ARL14EPL: variants seen among roughly 807,000 people sequenced by gnomAD.
The protein encoded by ARL14EPL is ARF like GTPase 14 effector protein like, also known as ARL14 effector protein-like.
A neutral mutation model predicts 15.9 loss-of-function variants in ARL14EPL; 17 were observed. The ratio of observed to expected loss-of-function variants is 1.07; its 90% CI spans 0.73 to 1.60. The LOEUF (loss-of-function observed/expected upper bound fraction) is 1.60, where lower values mean the gene tolerates loss of function less well. ARL14EPL is among the 40% of genes most tolerant of loss of function. ARL14EPL has a pLI of 0.00. For synonymous variants in ARL14EPL, 78 were observed against 63.8 expected, an observed-to-expected ratio of 1.22 and a Z score of -1.06; for missense variants, 214 against 185.9, an observed-to-expected ratio of 1.15 and a Z score of -0.88.
At position 116,051,560 on chromosome 5, in the gene ARL14EPL, T is replaced by G. The variant is rs1442205505; in HGVS notation, c.95T>G (p.Leu32Arg). Residue 32 changes from leucine (L) to arginine (R), a missense_variant and splice_region_variant, in exon 2 of 4, where the codon CTG becomes CGG. Coordinates refer to ENST00000686077, the MANE Select transcript of ARL14EPL (RefSeq NM_001195581.2). ...AACTGTCAAATTGGACAGAAACAACTGGTATGGCACACAGATTCTATGATT... is the reference window on the plus strand; with the variant it reads ...AACTGTCAAATTGGACAGAAACAACGGGTATGGCACACAGATTCTATGATT... ...EKNCQIGQKQLQQIERQLKCL... is the reference protein window; with the variant it reads ...EKNCQIGQKQRQQIERQLKCL... 6 of 1,526,356 alleles carry G rather than the reference T, an allele frequency of 3.9e-6. No individual in the cohort carries two copies. Among genetic ancestry groups the G allele is most frequent in the Non-Finnish European group, 4.4e-6 (5 of 1,138,042 alleles). 94.6% of individuals were successfully genotyped at this position (1,526,356 alleles called of 1,614,324 possible). A position where few individuals can be genotyped will look rare whatever the true frequency, so the allele number is the denominator to read the frequency against.
chr5:116,040,121 T>C (rs1749121467), intron 1 of ARL14EPL, among the ~76,000 whole-genome samples: 1 of 152,188 alleles, frequency 6.6e-6, no homozygotes, highest in South Asian at 2.1e-4. Context: ...CTCTTGTAGC[T>C]AAATTTTTGC....
Position 116,058,824 on chromosome 5 carries a change from C to G in ARL14EPL, c.336C>G (p.Cys112Trp), listed in dbSNP as rs1479148006. 5 of 1,536,070 alleles carry G rather than the reference C, an allele frequency of 3.3e-6. No homozygotes were observed. The highest frequency in any genetic ancestry group is 4.4e-6 in the Non-Finnish European group (5 of 1,146,906). Residue 112 changes from cysteine (C) to tryptophan (W), a missense_variant, in exon 4 of 4, where the codon TGC becomes TGG. Coordinates refer to ENST00000686077, the MANE Select transcript of ARL14EPL (RefSeq NM_001195581.2). ...ACTGCCTGGGCTGCTTCTACCCATG[C>G]CCGAAGTGTAACTCCAACAAGTGTG... The part of the protein sequence containing the change: ...EKNCLGCFYP[C>W]PKCNSNKCGP...
intron 1 of ARL14EPL, among the ~76,000 whole-genome samples, chr5:116,034,443 G>A (rs940652515): frequency 5.9e-5 from 9 of 152,102 alleles, no homozygotes; most frequent in South Asian, 2.1e-4. Context: ...GTGAGAGGGC[G>A]GCAGGATGAA....
At chr5:116,040,451 G>A (rs1749128526) in intron 1 of ARL14EPL, among the ~76,000 whole-genome samples, 1 of 151,636 alleles carries the variant, frequency 6.6e-6, no homozygotes, top group Admixed American at 6.6e-5. Flanking sequence ...AGAGTGACGG[G>A]AAGGCATTTC....
intron 2 of ARL14EPL, chr5:116,052,422 A>G: frequency 1.6e-6 from 1 of 631,300 alleles, no homozygotes. Flanking sequence ...GTATGTATTA[A>G]CTCATCTAAT....
At chr5:116,046,160 C>G (rs537157325) in intron 1 of ARL14EPL, among the ~76,000 whole-genome samples, 2 of 152,236 alleles carry the variant, frequency 1.3e-5, no homozygotes, top group East Asian at 1.9e-4. Context: ...GCTTGACTCT[C>G]TTGTCTTGTA....
chr5:116,045,534 T>A (rs1404185179), intron 1 of ARL14EPL, among the ~76,000 whole-genome samples: 1 of 152,124 alleles, frequency 6.6e-6, no homozygotes, highest in Non-Finnish European at 1.5e-5. Context: ...AGAGAGGCCC[T>A]TTTAGATGCT....
At chr5:116,038,434 A>G (rs772542234) in intron 1 of ARL14EPL, among the ~76,000 whole-genome samples, 7 of 152,174 alleles carry the variant, frequency 4.6e-5, no homozygotes, top group Non-Finnish European at 7.3e-5. Flanking sequence ...GGAAGTGGGA[A>G]CATTCTTGCA....
At chr5:116,039,240 T>G (rs1367217999) in intron 1 of ARL14EPL, among the ~76,000 whole-genome samples, 1 of 152,094 alleles carries the variant, frequency 6.6e-6, no homozygotes, top group Non-Finnish European at 1.5e-5. Context: ...ATTCATCCAC[T>G]CCTGACCCCA....
At chr5:116,038,087 G>A (rs756242616) in intron 1 of ARL14EPL, among the ~76,000 whole-genome samples, 1 of 151,982 alleles carries the variant, frequency 6.6e-6, no homozygotes, top group Non-Finnish European at 1.5e-5. Context: ...GAGTGGGTTA[G>A]AACCTGAAAA....
intron 1 of ARL14EPL, among the ~76,000 whole-genome samples, chr5:116,035,702 C>A (rs1401415151): frequency 6.6e-6 from 1 of 152,204 alleles, no homozygotes. Flanking sequence ...AGGATCCAGA[C>A]CTCAAGGAGA....
At chr5:116,043,701 G>T (rs572832778) in intron 1 of ARL14EPL, among the ~76,000 whole-genome samples, 1 of 152,090 alleles carries the variant, frequency 6.6e-6, no homozygotes. Context: ...GTTCAGTGCC[G>T]TGGTGCACTG....
intron 1 of ARL14EPL, among the ~76,000 whole-genome samples, chr5:116,047,401 A>T (rs1749287641): frequency 1.3e-5 from 2 of 152,350 alleles, no homozygotes; most frequent in East Asian, 3.9e-4. Context: ...TTAAAAGGAC[A>T]TAGTACTGGG....
chr5:116,049,134 C>A (rs1749324849), intron 1 of ARL14EPL, among the ~76,000 whole-genome samples: 1 of 152,164 alleles, frequency 6.6e-6, no homozygotes, highest in South Asian at 2.1e-4. Flanking sequence ...CAGTCAGGGA[C>A]CATCTATATG....
intron 1 of ARL14EPL, among the ~76,000 whole-genome samples, chr5:116,048,301 G>C (rs965698696): frequency 6.6e-6 from 1 of 152,152 alleles, no homozygotes; most frequent in African/African-American, 2.4e-5. Flanking sequence ...CCTGCTTGAA[G>C]ATGAGCATCT....
intron 1 of ARL14EPL, among the ~76,000 whole-genome samples, chr5:116,046,762 T>C (rs2560674): frequency 0.8 from 122,044 of 152,082 alleles, 49,147 homozygotes; most frequent in Middle Eastern, 0.86. Context: ...AAGGGATTTT[T>C]AAGGGTAATT....
intron 1 of ARL14EPL, among the ~76,000 whole-genome samples, chr5:116,038,985 G>T (rs1431993407): frequency 1.3e-5 from 2 of 152,178 alleles, no homozygotes; most frequent in African/African-American, 4.8e-5. Context: ...GGTGGCGGAG[G>T]AAATGAAGCA....
At chr5:116,042,159 A>G (rs76537155) in intron 1 of ARL14EPL, among the ~76,000 whole-genome samples, 3,354 of 152,224 alleles carry the variant, frequency 0.022, 116 homozygotes, top group African/African-American at 0.076. Flanking sequence ...CTTGATTCCC[A>G]GGGACAGCAC....
At chr5:116,041,657 CCT>C (rs1749160682) in intron 1 of ARL14EPL, among the ~76,000 whole-genome samples, 1 of 152,078 alleles carries the variant, frequency 6.6e-6, no homozygotes. Flanking sequence ...CTAGACAACC[CCT>C]GACACCCCCA....
Sources: allele counts gnomAD v4.1 joint callset (sites outside exome capture counted in the v4.1 genomes callset), GRCh38; gene constraint gnomAD v4.1.1; transcripts MANE v1.5; gene names NCBI Gene and HGNC (gene_info 2026-07-23, HGNC 2026-07-21).